Variants in COLQ observed in about 807,000 individuals in gnomAD.
COLQ encodes acetylcholinesterase collagenic tail peptide.
Under a neutral mutation model 69.0 loss-of-function variants are expected in COLQ, and 48 were observed. That is an observed-to-expected ratio of 0.70 (90% CI 0.55 to 0.88). The LOEUF is 0.88. Ranked by LOEUF, COLQ falls within the 40% of genes least tolerant of loss-of-function variation. COLQ has a pLI of 0.00. For missense variants in COLQ, 618 were observed against 594.6 expected (o/e 1.04, Z -0.41); for synonymous variants, 217 against 211.2 (o/e 1.03, Z -0.24).
intron 1 of COLQ, among the ~76,000 whole-genome samples, chr3:15,507,105 T>C (rs1317951417): frequency 6.6e-6 from 1 of 152,036 alleles, no homozygotes; most frequent in South Asian, 2.1e-4. Flanking sequence ...CACCCCACTT[T>C]CTTTTCTATG....
At chr3:15,454,776 C>T (rs981447665) in intron 15 of COLQ, among the ~76,000 whole-genome samples, 1 of 151,872 alleles carries the variant, frequency 6.6e-6, no homozygotes, top group African/African-American at 2.4e-5. Context: ...CCACCTCACC[C>T]TCCTAAGCAG....
intron 12 of COLQ, among the ~76,000 whole-genome samples, chr3:15,464,089 G>A (rs185197713): frequency 6.6e-6 from 1 of 152,074 alleles, no homozygotes; most frequent in Non-Finnish European, 1.5e-5. Context: ...GTTCTCTGAA[G>A]GACAAAGCTC....
chr3:15,455,525 T>C (rs2062011442), intron 15 of COLQ, among the ~76,000 whole-genome samples: 1 of 152,138 alleles, frequency 6.6e-6, no homozygotes, highest in South Asian at 2.1e-4. Context: ...ATTCTTGGCC[T>C]CTCCCTTTTG....
chr3:15,482,044 T>C (rs1201405285), intron 3 of COLQ, among the ~76,000 whole-genome samples: 2 of 152,234 alleles, frequency 1.3e-5, no homozygotes, highest in Non-Finnish European at 2.9e-5. Context: ...GGAATGCTTG[T>C]GATTTTTGCA....
chr3:15,480,478 A>C (rs2062461406), intron 3 of COLQ, among the ~76,000 whole-genome samples: 1 of 152,176 alleles, frequency 6.6e-6, no homozygotes, highest in East Asian at 1.9e-4. Context: ...GATGGTTTCC[A>C]GCTTCATCCA....
chr3:15,479,479 T>A, intron 3 of COLQ, 97 bp from the exon 4 acceptor site: 1 of 1,208,276 alleles, frequency 8.3e-7, no homozygotes, highest in Non-Finnish European at 1.2e-6. Flanking sequence ...AGCAGCAACA[T>A]CATTCTCTGG....
chr3:15,495,851 TGGCAGGTTC>T (rs1383144352), intron 1 of COLQ, among the ~76,000 whole-genome samples: 1 of 152,200 alleles, frequency 6.6e-6, no homozygotes, highest in African/African-American at 2.4e-5. Flanking sequence ...TGGAGGAGGC[TGGCAGGTTC>T]ACACCAATCC....
At chr3:15,479,527 C>T (rs937836036) in intron 3 of COLQ, 145 bp from the exon 4 acceptor site, 2 of 785,270 alleles carry the variant, frequency 2.5e-6, no homozygotes, top group Non-Finnish European at 4.4e-6. Flanking sequence ...GAGGCTTTTC[C>T]TTTGCCCTCC....
chr3:15,500,006 A>G (rs1177020235), intron 1 of COLQ, among the ~76,000 whole-genome samples: 2 of 152,232 alleles, frequency 1.3e-5, no homozygotes, highest in South Asian at 2.1e-4. Context: ...AAGGTAAAAA[A>G]AGAAGAGTGG....
intron 1 of COLQ, among the ~76,000 whole-genome samples, chr3:15,494,348 G>A (rs1290729293): frequency 6.6e-6 from 1 of 152,116 alleles, no homozygotes; most frequent in Non-Finnish European, 1.5e-5. Context: ...GCAGAGAAAC[G>A]GGGCCAACAT....
intron 12 of COLQ, among the ~76,000 whole-genome samples, chr3:15,458,560 G>GA (rs2062059760): frequency 6.6e-6 from 1 of 152,308 alleles, no homozygotes; most frequent in African/African-American, 2.4e-5. Flanking sequence ...AGACAGGCAA[G>GA]ATGTCTGGTG....
At chr3:15,477,339 C>T (rs950487433) in intron 5 of COLQ, 142 bp from the exon 6 acceptor site, 51 of 701,906 alleles carry the variant, frequency 7.3e-5, no homozygotes, top group African/African-American at 5.1e-4. Context: ...TCTCCGAAGA[C>T]TGATGGCCTG....
rs558447827 is a variant in COLQ at position 15,517,667 on chromosome 3, T to A, written c.106+3853A>T. Among the ~76,000 whole-genome samples, 84 of 152,214 alleles carry A rather than the reference T, an allele frequency of 5.5e-4. 1 individual carries two copies. Among genetic ancestry groups the A allele is most frequent in the Non-Finnish European group, 9.6e-4 (65 of 68,010 alleles). On this transcript the variant is annotated intron_variant, in intron 1 of 16. Transcript: ENST00000383788. ...ACAATAAATGGTTGTTGTTTTGATCTACCAAGTGTCACGGTGGTTTATTAC... is the reference window on the plus strand; with the variant it reads ...ACAATAAATGGTTGTTGTTTTGATCAACCAAGTGTCACGGTGGTTTATTAC...
intron 5 of COLQ, chr3:15,478,516 A>C (rs886337095): frequency 7.3e-5 from 17 of 233,782 alleles, no homozygotes; most frequent in African/African-American, 3.2e-4. Flanking sequence ...GTTCACGCAG[A>C]GTCACCGTGA....
intron 1 of COLQ, among the ~76,000 whole-genome samples, chr3:15,507,435 G>A (rs779680847): frequency 2.0e-5 from 3 of 152,152 alleles, no homozygotes; most frequent in Non-Finnish European, 4.4e-5. Flanking sequence ...CCAACAGTCT[G>A]ATGTTTGACC....
At position 15,498,496 on chromosome 3, in the gene COLQ, C is replaced by T. The variant is rs575902199; in HGVS notation, c.107-8859G>A. The T allele has an allele frequency of 4.6e-5, 71 of 1,545,498 alleles. No individual in the cohort carries two copies. The East Asian group carries it at 8.3e-4, about 18-fold the overall frequency. ...ACACACACACACACACGTGCACACACGCACACACAACTCACCCAAGCAGCC... is the reference window on the plus strand; with the variant it reads ...ACACACACACACACACGTGCACACATGCACACACAACTCACCCAAGCAGCC... On this transcript the variant is annotated intron_variant, in intron 1 of 16. Transcript: ENST00000383788.
intron 1 of COLQ, among the ~76,000 whole-genome samples, chr3:15,511,320 C>T (rs1414439654): frequency 6.6e-6 from 1 of 152,242 alleles, no homozygotes; most frequent in Non-Finnish European, 1.5e-5. Flanking sequence ...ATATGATCTT[C>T]TACTGGACAT....
chr3:15,458,251 T>C lies in COLQ; in HGVS notation c.889A>G (p.Met297Val), dbSNP rs755020019. ...PPGRCLCGPT[M>V]NVNNPSYGES... ...CCGTAGGAAGGGTTATTCACATTCA[T>C]AGTGGGTCCACAAAGACATCTTCCT... Residue 297 changes from methionine (M) to valine (V), a missense_variant, in exon 13 of 17, where the codon ATG becomes GTG. Transcript: ENST00000383788. 1.2e-6 allele frequency: 2 copies of C among 1,614,136 alleles called. No individual in the cohort carries two copies. Among genetic ancestry groups the C allele is most frequent in the South Asian group, 1.1e-5 (1 of 91,074 alleles).
chr3:15,499,968 T>C (rs779580786), intron 1 of COLQ, among the ~76,000 whole-genome samples: 1 of 152,242 alleles, frequency 6.6e-6, no homozygotes, highest in Non-Finnish European at 1.5e-5. Context: ...GGCTCTCTTA[T>C]TGACATATTC....
Sources: allele counts gnomAD v4.1 joint callset (sites outside exome capture counted in the v4.1 genomes callset), GRCh38; gene constraint gnomAD v4.1.1; transcripts MANE v1.5; gene names NCBI Gene and HGNC (gene_info 2026-07-23, HGNC 2026-07-21).